The following PHKB variants were observed in gnomAD, a reference collection of about 807,000 sequenced individuals.
PHKB encodes phosphorylase kinase regulatory subunit beta, also known as phosphorylase b kinase regulatory subunit beta.
PHKB carries 122 observed loss-of-function variants against 152.1 expected under a neutral mutation model. The ratio of observed to expected loss-of-function variants is 0.80; its 90% CI spans 0.69 to 0.93. PHKB has a LOEUF of 0.93. PHKB is among the 40% of genes least tolerant of loss of function. The pLI, the probability that PHKB is intolerant of heterozygous loss-of-function variation, is 0.00. For synonymous variants in PHKB, 436 were observed against 464.9 expected, an observed-to-expected ratio of 0.94 and a Z score of 0.80; for missense variants, 1,304 against 1,328.4, an observed-to-expected ratio of 0.98 and a Z score of 0.29.
intron 1 of PHKB, among the ~76,000 whole-genome samples, chr16:47,464,300 A>T (rs1460673196): frequency 6.6e-6 from 1 of 152,144 alleles, no homozygotes; most frequent in African/African-American, 2.4e-5. Flanking sequence ...TTCTTAAATG[A>T]TTTTTGTCTT....
rs2142107098 is a variant in PHKB at position 47,693,516 on chromosome 16, C to T, written c.2895+9C>T. 1 of 1,613,804 alleles carries T rather than the reference C, an allele frequency of 6.2e-7. No homozygotes were observed. Among genetic ancestry groups the T allele is most frequent in the African/African-American group, 1.3e-5 (1 of 74,992 alleles). On this transcript the variant is annotated intron_variant, in intron 28 of 30. Transcript: ENST00000323584. ...GGAAGCATTTGCCTCAGGTAAAGCC[C>T]CACCATGTTCACATAAAGAAAGGAG...
chr16:47,522,566 TTTCC>T (rs1348149975), intron 6 of PHKB, among the ~76,000 whole-genome samples: 1 of 151,776 alleles, frequency 6.6e-6, no homozygotes, highest in Non-Finnish European at 1.5e-5. Flanking sequence ...TTATTATTTT[TTTCC>T]TTCTGGTTGG....
rs534530939 is a variant in PHKB at position 47,618,217 on chromosome 16, A to G, written c.1458+7297A>G. ...TGCATTTTTATTTGCCATCTTTTACACTAGAAATGTATTTAAATACCTTGT... is the reference window on the plus strand; with the variant it reads ...TGCATTTTTATTTGCCATCTTTTACGCTAGAAATGTATTTAAATACCTTGT... On this transcript the variant is annotated intron_variant, in intron 14 of 30. Transcript: ENST00000323584. Among the ~76,000 whole-genome samples, 514 of 152,272 alleles carry G rather than the reference A, an allele frequency of 3.4e-3. 2 individuals are homozygous for G. Among genetic ancestry groups the G allele is most frequent in the Middle Eastern group, 6.8e-3 (2 of 292 alleles).
chr16:47,654,185 G>C (rs779453744), intron 20 of PHKB, among the ~76,000 whole-genome samples: 1 of 152,248 alleles, frequency 6.6e-6, no homozygotes, highest in African/African-American at 2.4e-5. Flanking sequence ...AGACATAGAC[G>C]TCAGAATAAC....
chr16:47,498,487 C>T (rs1218272089), intron 2 of PHKB, among the ~76,000 whole-genome samples: 1 of 152,006 alleles, frequency 6.6e-6, no homozygotes, highest in Non-Finnish European at 1.5e-5. Flanking sequence ...ACCAGCCTGA[C>T]CAACATGGAG....
At chr16:47,667,202 C>T (rs111310544) in intron 25 of PHKB, among the ~76,000 whole-genome samples, 27 of 151,690 alleles carry the variant, frequency 1.8e-4, no homozygotes, top group East Asian at 3.9e-4. Context: ...GGGGCCAAGG[C>T]GGGAGGATCA....
chr16:47,667,942 G>A (rs1185790353), intron 25 of PHKB, among the ~76,000 whole-genome samples: 3 of 152,276 alleles, frequency 2.0e-5, no homozygotes, highest in Admixed American at 6.5e-5. Context: ...TCACACTAGC[G>A]TGTCTCCCAG....
chr16:47,658,123 T>G (rs1370298477), intron 20 of PHKB, among the ~76,000 whole-genome samples: 1 of 152,186 alleles, frequency 6.6e-6, no homozygotes, highest in African/African-American at 2.4e-5. Flanking sequence ...TGGACCTGCA[T>G]CTCTGATTTC....
intron 4 of PHKB, among the ~76,000 whole-genome samples, chr16:47,506,555 C>G (rs1430845121): frequency 6.6e-6 from 1 of 152,104 alleles, no homozygotes; most frequent in Admixed American, 6.5e-5. Flanking sequence ...TTGTTTGTTT[C>G]ATTTGTATCA....
chr16:47,501,615 A>G (rs890599405), intron 3 of PHKB, among the ~76,000 whole-genome samples: 1 of 152,192 alleles, frequency 6.6e-6, no homozygotes, highest in African/African-American at 2.4e-5. Context: ...CTTTCAAACA[A>G]TGAAGAAAAT....
At chr16:47,692,545 G>C (rs1302580246) in intron 27 of PHKB, among the ~76,000 whole-genome samples, 1 of 152,106 alleles carries the variant, frequency 6.6e-6, no homozygotes, top group African/African-American at 2.4e-5. Flanking sequence ...GAGCCCAGGA[G>C]TTAGAGGTTG....
chr16:47,561,957 A>G (rs1364094718), intron 7 of PHKB: 1 of 152,126 alleles, frequency 6.6e-6, no homozygotes, highest in Non-Finnish European at 1.5e-5. Context: ...TTAAAAAGGC[A>G]TATCCAGAGA....
chr16:47,546,010 T>G (rs1971157272), intron 6 of PHKB, among the ~76,000 whole-genome samples: 1 of 152,218 alleles, frequency 6.6e-6, no homozygotes, highest in Non-Finnish European at 1.5e-5. Context: ...TTTCAAAGTT[T>G]TTAGCTTCCT....
intron 20 of PHKB, among the ~76,000 whole-genome samples, chr16:47,657,271 T>C (rs1434309844): frequency 1.3e-5 from 2 of 152,212 alleles, no homozygotes; most frequent in Non-Finnish European, 2.9e-5. Context: ...TATTGGCTCA[T>C]TGATTCAACA....
intron 7 of PHKB, among the ~76,000 whole-genome samples, chr16:47,561,134 C>T (rs2151681722): frequency 6.6e-6 from 1 of 152,176 alleles, no homozygotes; most frequent in East Asian, 1.9e-4. Flanking sequence ...CAAAATTCTG[C>T]AAACATTTTG....
At chr16:47,491,905 T>A (rs1347962509) in intron 1 of PHKB, among the ~76,000 whole-genome samples, 1 of 152,204 alleles carries the variant, frequency 6.6e-6, no homozygotes, top group Non-Finnish European at 1.5e-5. Context: ...CTGCTTTTAA[T>A]TAAACTGACT....
intron 28 of PHKB, 145 bp from the exon 29 acceptor site, chr16:47,696,236 A>G: frequency 2.9e-6 from 2 of 690,412 alleles, no homozygotes; most frequent in South Asian, 1.6e-5. Flanking sequence ...TTTGACATAT[A>G]TAAAATCCAG....
At chr16:47,647,530 C>T (rs1973153751) in intron 16 of PHKB, among the ~76,000 whole-genome samples, 1 of 150,820 alleles carries the variant, frequency 6.6e-6, no homozygotes, top group South Asian at 2.1e-4. Flanking sequence ...CGGAGTCTCG[C>T]TCTGTTGCCC....
At chr16:47,518,172 G>A (rs762880227) in intron 6 of PHKB, among the ~76,000 whole-genome samples, 5 of 152,032 alleles carry the variant, frequency 3.3e-5, no homozygotes, top group Non-Finnish European at 7.4e-5. Flanking sequence ...TGGGATTACC[G>A]TTTATTTCCT....
Sources: allele counts gnomAD v4.1 joint callset (sites outside exome capture counted in the v4.1 genomes callset), GRCh38; gene constraint gnomAD v4.1.1; transcripts MANE v1.5; gene names NCBI Gene and HGNC (gene_info 2026-07-23, HGNC 2026-07-21).